The following CCDC102A variants were observed in gnomAD, a reference collection of about 807,000 sequenced individuals.
CCDC102A encodes coiled-coil domain-containing protein 102A.
CCDC102A carries 40 observed loss-of-function variants against 55.5 expected under a neutral mutation model. The observed-to-expected ratio is 0.72, with a 90% CI of 0.56 to 0.94. The LOEUF is 0.94. Ranked by LOEUF, CCDC102A falls within the 40% of genes least tolerant of loss-of-function variation. The probability of loss-of-function intolerance (pLI) is 0.00; values close to 1 mark genes in which losing one functional copy is unlikely to be tolerated. For missense variants in CCDC102A, 779 were observed against 768.6 expected (o/e 1.01, Z -0.16); for synonymous variants, 323 against 339.0 (o/e 0.95, Z 0.52).
intron 8 of CCDC102A, among the ~76,000 whole-genome samples, chr16:57,514,423 C>A (rs190560961): frequency 6.6e-6 from 1 of 152,142 alleles, no homozygotes. Context: ...GGGTCTCAAA[C>A]TCCTGGTCTC....
At chr16:57,514,353 C>T (rs1329463650) in intron 8 of CCDC102A, among the ~76,000 whole-genome samples, 1 of 152,162 alleles carries the variant, frequency 6.6e-6, no homozygotes, top group African/African-American at 2.4e-5. Context: ...GCACACACCA[C>T]CATGCCTGGC....
intron 1 of CCDC102A, among the ~76,000 whole-genome samples, chr16:57,536,175 C>T (rs1470709757): frequency 1.3e-5 from 2 of 152,140 alleles, no homozygotes; most frequent in African/African-American, 2.4e-5. Context: ...CGTTGGGTCC[C>T]CCGGGAGAGT....
rs1381213469 is a variant in CCDC102A, at chr16:57,516,767, G to A, written c.1249-304C>T. On this transcript the variant is annotated intron_variant, in intron 6 of 8. Coordinates refer to ENST00000258214, the MANE Select transcript of CCDC102A (RefSeq NM_033212.4). The surrounding 1 kb of genome is among the most constrained non-coding windows in gnomAD (Gnocchi z 4.4). ...CTGTTGGAGCAGGGTCGGGGTTTCC[G>A]GGGAAGGATGAGGTCTGGAGTCTTC... 2.6e-5 allele frequency among the ~76,000 whole-genome samples: 4 copies of A among 152,070 alleles called. 1 individual carries two copies. Among genetic ancestry groups the A allele is most frequent in the Non-Finnish European group, 5.9e-5 (4 of 68,018 alleles).
rs2146699075 is a variant in CCDC102A, at chr16:57,516,838, TG to T, written c.1249-376del. Among the ~76,000 whole-genome samples the T allele has an allele frequency of 6.6e-6, 1 of 152,128 alleles. No homozygotes were observed. Among genetic ancestry groups the T allele is most frequent in the East Asian group, 1.9e-4 (1 of 5,170 alleles). ...GAGCTGGGTTGGGAATGAGCTAGGCTGGGGAATGGGTGGGTGTCTCAGAGCC... is the reference window on the plus strand; with the variant it reads ...GAGCTGGGTTGGGAATGAGCTAGGCTGGGAATGGGTGGGTGTCTCAGAGCC... On this transcript the variant is annotated intron_variant, in intron 6 of 8. Coordinates refer to ENST00000258214, the MANE Select transcript of CCDC102A (RefSeq NM_033212.4). This position sits in a 1 kb window ranked among gnomAD's most constrained non-coding sequence, Gnocchi z 4.4.
intron 3 of CCDC102A, among the ~76,000 whole-genome samples, 196 bp from the exon 4 acceptor site, chr16:57,521,372 T>C (rs1333553002): frequency 6.6e-6 from 1 of 152,182 alleles, no homozygotes; most frequent in East Asian, 1.9e-4. Context: ...GCATTCCCTA[T>C]CCAAGTGCAA....
intron 3 of CCDC102A, among the ~76,000 whole-genome samples, chr16:57,525,564 C>A (rs1200217375): frequency 6.6e-6 from 1 of 152,194 alleles, no homozygotes. Flanking sequence ...AACCTTCCAA[C>A]TTCCCTGTCT....
intron 8 of CCDC102A, among the ~76,000 whole-genome samples, chr16:57,514,393 G>T (rs965760945): frequency 6.6e-6 from 1 of 152,082 alleles, no homozygotes; most frequent in Admixed American, 6.5e-5. Context: ...AGACATGGGG[G>T]TCTTGCTTTG....
intron 8 of CCDC102A, among the ~76,000 whole-genome samples, chr16:57,513,378 G>A (rs2031898440): frequency 6.6e-6 from 1 of 152,216 alleles, no homozygotes; most frequent in Non-Finnish European, 1.5e-5. Flanking sequence ...AAGAGCTGGT[G>A]AAGGAAATGC....
At chr16:57,515,507 C>G (rs897509160) in intron 7 of CCDC102A, 63 bp from the exon 8 acceptor site, 11 of 1,083,210 alleles carry the variant, frequency 1.0e-5, no homozygotes, top group Admixed American at 2.0e-5. Context: ...GCCGGCCACC[C>G]GCCCAGGGAA....
rs71387171 is a variant in CCDC102A at position 57,515,382 on chromosome 16, C to T, written c.1482G>A (p.Gln494=). The part of the protein sequence containing the change: ...LQRSLDEQTE[Q]SENLQVQLEH... ...CCAGTTGCACTTGCAGGTTCTCGCT[C>T]TGCTCCGTCTGCTCGTCCAGCGACC... Residue 494 remains glutamine, a synonymous_variant, in exon 8 of 9, where the codon CAG becomes CAA. Transcript: ENST00000258214. 6.2e-7 allele frequency: 1 copy of T among 1,609,198 alleles called. No individual in the cohort carries two copies. Among genetic ancestry groups the T allele is most frequent in the East Asian group, 2.2e-5 (1 of 44,810 alleles).
intron 3 of CCDC102A, among the ~76,000 whole-genome samples, chr16:57,523,366 C>T (rs1261485026): frequency 2.0e-5 from 3 of 152,150 alleles, no homozygotes; most frequent in Non-Finnish European, 4.4e-5. Context: ...TCTCTCCCAG[C>T]TTCTGGCAGT....
chr16:57,528,238 C>T (rs2032175829), intron 2 of CCDC102A, among the ~76,000 whole-genome samples: 1 of 152,176 alleles, frequency 6.6e-6, no homozygotes, highest in African/African-American at 2.4e-5. Context: ...ATCCCAGTGC[C>T]CTGATTTCTC....
At chr16:57,519,907 G>C (rs368752111) in intron 4 of CCDC102A, among the ~76,000 whole-genome samples, 1 of 152,212 alleles carries the variant, frequency 6.6e-6, no homozygotes, top group Admixed American at 6.5e-5. Flanking sequence ...GAAACCCACC[G>C]ATCCAGTGTG....
Position 57,512,631 on chromosome 16 carries a change from G to T in CCDC102A, c.*110C>A. The T allele has an allele frequency of 7.4e-7, 1 of 1,355,182 alleles. No homozygotes were observed. The allele number at this position is 1,355,182 out of a possible 1,614,324, so 83.9% of individuals were successfully genotyped here. On this transcript the variant is annotated 3_prime_UTR_variant, in exon 9 of 9. Transcript: ENST00000258214. ...CTGGGAGAGAAGAAAGTCGGCTGTG[G>T]CAGGGACTGGTCCCAGAGTGAGCCT...
At position 57,516,997 on chromosome 16, in the gene CCDC102A, C is replaced by T. The variant is rs1165558002; in HGVS notation, c.1249-534G>A. Among the ~76,000 whole-genome samples the T allele has an allele frequency of 1.3e-5, 2 of 152,152 alleles. No homozygotes were observed. The highest frequency in any genetic ancestry group is 2.4e-5 in the African/African-American group (1 of 41,422). ...TTGCCTAAAGGTCTCTTGAGTCCAT[C>T]CTTTTTGTTCCATCTCTACTGACTG... is the stretch of plus-strand genomic sequence containing the variant. On this transcript the variant is annotated intron_variant, in intron 6 of 8. Coordinates refer to ENST00000258214, the MANE Select transcript of CCDC102A (RefSeq NM_033212.4). This position sits in a 1 kb window ranked among gnomAD's most constrained non-coding sequence, Gnocchi z 4.4.
intron 3 of CCDC102A, among the ~76,000 whole-genome samples, chr16:57,524,341 T>G (rs677983): frequency 1.4e-3 from 208 of 152,116 alleles, no homozygotes; most frequent in Non-Finnish European, 2.7e-3. Flanking sequence ...CTCAGTGCTC[T>G]GGAACCCCGA....
intron 5 of CCDC102A, 148 bp downstream of exon 5, chr16:57,518,477 C>G (rs1255390637): frequency 2.5e-6 from 2 of 792,550 alleles, no homozygotes; most frequent in African/African-American, 3.4e-5. Flanking sequence ...GAGAGGCCTG[C>G]CTCTTGCAGA....
rs920056463 is a variant in CCDC102A at position 57,516,024 on chromosome 16, T to C, written c.1419+269A>G. ...TGCCCGCCCTGCCTCTCTCTCCCAT[T>C]CATCCATCCATTCATTCCTTTACCC... On this transcript the variant is annotated intron_variant, in intron 7 of 8. Transcript: ENST00000258214. The surrounding 1 kb of genome is among the most constrained non-coding windows in gnomAD (Gnocchi z 4.4). 2.6e-5 allele frequency among the ~76,000 whole-genome samples: 4 copies of C among 152,084 alleles called. No individual in the cohort carries two copies. Among genetic ancestry groups the C allele is most frequent in the Admixed American group, 6.6e-5 (1 of 15,256 alleles).
At position 57,512,505 on chromosome 16, in the gene CCDC102A, T is replaced by C. The variant is rs2031879372; in HGVS notation, c.*236A>G. 6 of 442,722 alleles carry C rather than the reference T, an allele frequency of 1.4e-5. No homozygotes were observed. Among genetic ancestry groups the C allele is most frequent in the African/African-American group, 2.0e-5 (1 of 48,982 alleles). The allele number at this position is 442,722 out of a possible 1,614,324, so 27.4% of individuals were successfully genotyped here. Reference sequence around the variant, plus strand: ...ATAAAACCAAATGGGTCCAAAGACTTCTGGGTGTGCGCGCGCGCGCGCGCG... The same window carrying C: ...ATAAAACCAAATGGGTCCAAAGACTCCTGGGTGTGCGCGCGCGCGCGCGCG... On this transcript the variant is annotated 3_prime_UTR_variant, in exon 9 of 9. Coordinates refer to ENST00000258214, the MANE Select transcript of CCDC102A (RefSeq NM_033212.4).
Sources: allele counts gnomAD v4.1 joint callset (sites outside exome capture counted in the v4.1 genomes callset), GRCh38; gene constraint gnomAD v4.1.1; non-coding constraint Gnocchi (gnomAD v3.1); transcripts MANE v1.5; gene names NCBI Gene and HGNC (gene_info 2026-07-23, HGNC 2026-07-21).